The following ITFG1 variants were observed in gnomAD, a reference collection of about 807,000 sequenced individuals.
The protein encoded by ITFG1 is T-cell immunomodulatory protein.
In ITFG1, 34 loss-of-function variants were observed where a neutral mutation model predicts 81.8. The observed-to-expected ratio is 0.42, with a 90% CI of 0.32 to 0.55. The LOEUF (loss-of-function observed/expected upper bound fraction) is 0.55. Ranked by LOEUF, ITFG1 falls within the 20% of genes least tolerant of loss-of-function variation. The pLI is 0.17. For missense variants in ITFG1, 672 were observed against 755.4 expected (o/e 0.89, Z 1.29); for synonymous variants, 285 against 270.6 (o/e 1.05, Z -0.52).
At position 47,428,880 on chromosome 16, in the gene ITFG1, T is replaced by C; in HGVS notation, c.579A>G (p.Pro193=). ...GCATTTTACTTGTAGTGGTCAATGCTGGATGCCATGATAAATTCCTAAAAA... is the reference window on the plus strand; with the variant it reads ...GCATTTTACTTGTAGTGGTCAATGCCGGATGCCATGATAAATTCCTAAAAA... ...ILLGGNLSWH[P]ALTTTSKMRI... is the part of the protein sequence containing the mutation. The change falls in exon 6 of 18, where the codon CCA becomes CCG. Residue 193 remains proline, a synonymous_variant. Coordinates refer to ENST00000320640, the MANE Select transcript of ITFG1 (RefSeq NM_030790.5). 6.3e-7 allele frequency: 1 copy of C among 1,591,082 alleles called. No individual in the cohort carries two copies. The highest frequency in any genetic ancestry group is 8.6e-7 in the Non-Finnish European group (1 of 1,166,160).
chr16:47,167,093 C>T (rs368626500), intron 14 of ITFG1, among the ~76,000 whole-genome samples: 2 of 152,154 alleles, frequency 1.3e-5, no homozygotes, highest in East Asian at 1.9e-4. Flanking sequence ...ATAACAACAC[C>T]CTGTACTCCC....
intron 6 of ITFG1, among the ~76,000 whole-genome samples, chr16:47,393,152 G>A (rs1410968604): frequency 2.6e-5 from 4 of 152,148 alleles, no homozygotes; most frequent in Non-Finnish European, 4.4e-5. Context: ...CCATTTTAGG[G>A]CAACTAGAAC....
intron 11 of ITFG1, among the ~76,000 whole-genome samples, chr16:47,259,440 T>A (rs1366332551): frequency 1.3e-5 from 2 of 152,214 alleles, no homozygotes; most frequent in Non-Finnish European, 2.9e-5. Context: ...ATTCTCTTGC[T>A]TTGTCCCCTT....
chr16:47,278,332 C>G (rs1413296701), intron 10 of ITFG1, among the ~76,000 whole-genome samples: 1 of 152,136 alleles, frequency 6.6e-6, no homozygotes, highest in Non-Finnish European at 1.5e-5. Context: ...GTGAAGATTT[C>G]TCAGAATGGT....
chr16:47,289,184 T>C (rs1966882430), intron 10 of ITFG1, among the ~76,000 whole-genome samples: 2 of 152,230 alleles, frequency 1.3e-5, no homozygotes, highest in African/African-American at 2.4e-5. Flanking sequence ...GCCATCCTTA[T>C]ATTCCTGGGA....
chr16:47,459,595 G>T (rs1969497469), intron 1 of ITFG1, among the ~76,000 whole-genome samples: 1 of 152,148 alleles, frequency 6.6e-6, no homozygotes, highest in Admixed American at 6.5e-5. Flanking sequence ...AGGATGCAGG[G>T]ACTCCCATTG....
intron 14 of ITFG1, among the ~76,000 whole-genome samples, chr16:47,169,740 T>C (rs1392806952): frequency 6.6e-6 from 1 of 152,188 alleles, no homozygotes; most frequent in Non-Finnish European, 1.5e-5. Flanking sequence ...GGAGTGAAAG[T>C]GGGCATCCTC....
chr16:47,337,967 T>G (rs376150817), intron 8 of ITFG1, among the ~76,000 whole-genome samples: 3 of 152,276 alleles, frequency 2.0e-5, no homozygotes, highest in Non-Finnish European at 4.4e-5. Context: ...CTTGGTTTCA[T>G]GTTTGTTTGT....
intron 10 of ITFG1, among the ~76,000 whole-genome samples, chr16:47,305,661 C>G (rs1205117895): frequency 6.6e-6 from 1 of 152,100 alleles, no homozygotes; most frequent in Non-Finnish European, 1.5e-5. Context: ...CTGCAATGAA[C>G]AATCAGATTA....
At chr16:47,291,335 G>GT (rs1555508103) in intron 10 of ITFG1, among the ~76,000 whole-genome samples, 3 of 151,504 alleles carry the variant, frequency 2.0e-5, no homozygotes, top group Non-Finnish European at 4.4e-5. Flanking sequence ...GTTCTTTTTT[G>GT]CTTTTTCTCC....
chr16:47,238,200 T>A, intron 12 of ITFG1, 192 bp from the exon 13 acceptor site: 1 of 479,956 alleles, frequency 2.1e-6, no homozygotes, highest in Non-Finnish European at 3.7e-6. Flanking sequence ...AAAGCCTTTA[T>A]TAAACTGTCA....
At chr16:47,357,395 G>T (rs923398815) in intron 8 of ITFG1, among the ~76,000 whole-genome samples, 78 of 151,784 alleles carry the variant, frequency 5.1e-4, no homozygotes, top group African/African-American at 1.7e-3. Flanking sequence ...TGGGCGGATC[G>T]TGAGGTCAGG....
chr16:47,301,412 T>C (rs1008688343), intron 10 of ITFG1, among the ~76,000 whole-genome samples: 14 of 151,326 alleles, frequency 9.3e-5, no homozygotes, highest in African/African-American at 2.7e-4. Flanking sequence ...TCTTCTTCTT[T>C]TTTTTTTTTT....
intron 10 of ITFG1, among the ~76,000 whole-genome samples, chr16:47,298,318 T>C (rs776545309): frequency 1.3e-5 from 2 of 152,218 alleles, no homozygotes; most frequent in Non-Finnish European, 2.9e-5. Context: ...TTTTGATTAT[T>C]TCTTTTTGGT....
At chr16:47,250,783 T>C (rs778527557) in intron 12 of ITFG1, among the ~76,000 whole-genome samples, 27 of 152,274 alleles carry the variant, frequency 1.8e-4, no homozygotes, top group Non-Finnish European at 3.1e-4. Flanking sequence ...AGCTAATTAG[T>C]GTTGAGCAGG....
chr16:47,388,965 T>A lies in ITFG1; in HGVS notation c.656-13025A>T, dbSNP rs1414909109. Among the ~76,000 whole-genome samples the A allele has an allele frequency of 2.0e-5, 3 of 152,170 alleles. 1 individual carries two copies. The highest frequency in any genetic ancestry group is 2.0e-4 in the Admixed American group (3 of 15,274). Reference sequence around the variant, plus strand: ...TGCAAGACATGTTTCCCTCAAGATATAAGGAATGTTGTAATGCTGCCTTTG... The same window carrying A: ...TGCAAGACATGTTTCCCTCAAGATAAAAGGAATGTTGTAATGCTGCCTTTG... On this transcript the variant is annotated intron_variant, in intron 6 of 17. Coordinates refer to ENST00000320640, the MANE Select transcript of ITFG1 (RefSeq NM_030790.5).
intron 8 of ITFG1, among the ~76,000 whole-genome samples, chr16:47,358,135 A>C (rs1288425970): frequency 6.6e-6 from 1 of 152,242 alleles, no homozygotes; most frequent in Non-Finnish European, 1.5e-5. Flanking sequence ...GGACTCTAAG[A>C]ACACCTCACC....
chr16:47,251,627 T>C (rs1966077090), intron 12 of ITFG1, among the ~76,000 whole-genome samples: 1 of 152,210 alleles, frequency 6.6e-6, no homozygotes, highest in Non-Finnish European at 1.5e-5. Context: ...CATATTACAG[T>C]AGCCCCCACT....
chr16:47,390,080 C>T (rs926276024), intron 6 of ITFG1, among the ~76,000 whole-genome samples: 4 of 152,152 alleles, frequency 2.6e-5, no homozygotes, highest in Non-Finnish European at 5.9e-5. Context: ...TGAACTTCCA[C>T]GTGGAAAGAA....
Sources: gnomAD v4.1 joint callset for allele counts (sites outside exome capture counted in the v4.1 genomes callset) on GRCh38, gnomAD v4.1.1 for gene constraint, MANE v1.5 for transcripts, NCBI Gene and HGNC (gene_info 2026-07-23, HGNC 2026-07-21) for gene names.